Variants in ZNF283 observed in about 807,000 individuals in gnomAD.
ZNF283 encodes zinc finger protein 41.
In ZNF283, 10 loss-of-function variants were observed where a neutral mutation model predicts 9.2. That is an observed-to-expected ratio of 1.09 (90% confidence interval 0.67 to 1.85). The LOEUF is 1.85. Among genes scored for constraint, ZNF283 ranks in the 40% most tolerant of loss-of-function variants. The probability of loss-of-function intolerance (pLI) is 0.00; values close to 1 mark genes in which losing one functional copy is unlikely to be tolerated. For synonymous variants in ZNF283, 234 were observed against 244.1 expected (o/e 0.96, Z 0.38); for missense variants, 631 against 760.1 (o/e 0.83, Z 2.00).
At position 43,851,979 on chromosome 19, in the gene ZNF283, T is replaced by A. The variant is rs1396156808; in HGVS notation, c.*3338T>A. The A allele has an allele frequency of 6.6e-6, 1 of 152,210 alleles. No homozygotes were observed. The highest frequency in any genetic ancestry group is 2.1e-4 in the South Asian group (1 of 4,830). 9.4% of individuals were successfully genotyped at this position (152,210 alleles called of 1,614,324 possible). On this transcript the variant is annotated 3_prime_UTR_variant, in exon 7 of 7. Transcript: ENST00000618787. ...GAAAATCTTTGTTGTAGCTAAGTAG[T>A]GGTGCCTCCTGAGTTTTATTAAATG...
rs781025923 is a variant in ZNF283 at position 43,847,653 on chromosome 19, A to T, written c.1052A>T (p.Glu351Val). The change falls in exon 7 of 7, where the codon GAA becomes GTA. Residue 351 changes from glutamate (E) to valine (V), a missense_variant. By Grantham distance (121) the Glu-to-Val change is moderately radical (BLOSUM62 -2). Transcript: ENST00000618787. ...HTGEKPYKCK[E>V]CGKAFSRGYQ... The stretch of plus-strand genomic sequence containing the variant: ...GGTGAGAAACCTTATAAATGTAAAG[A>T]ATGTGGGAAGGCCTTCAGTCGTGGC... 6.2e-7 allele frequency: 1 copy of T among 1,613,698 alleles called. No individual in the cohort carries two copies. The highest frequency in any genetic ancestry group is 1.1e-5 in the South Asian group (1 of 91,076).
chr19:43,829,789 C>A (rs764085067), intron 2 of ZNF283, among the ~76,000 whole-genome samples: 94 of 152,132 alleles, frequency 6.2e-4, no homozygotes, highest in Admixed American at 1.8e-3. Context: ...TTTGGGAGTC[C>A]GAGGCGGGTG....
chr19:43,847,432 C>G lies in ZNF283; in HGVS notation c.831C>G (p.Ser277Arg), dbSNP rs1971447027. The G allele has an allele frequency of 6.2e-7, 1 of 1,613,178 alleles. No homozygotes were observed. Among genetic ancestry groups the G allele is most frequent in the South Asian group, 1.1e-5 (1 of 91,002 alleles). Residue 277 changes from serine (S) to arginine (R), a missense_variant, in exon 7 of 7, where the codon AGC becomes AGG. Ser to Arg is a moderately radical substitution (Grantham distance 110). This residue lies in a region of ZNF283 where 444 missense variants were observed against 522.5 expected (regional missense o/e 0.85). Transcript: ENST00000618787. Reference sequence around the variant, plus strand: ...GGAAGACCTTTAGCTGGGGATCAAGCCTTGTTAAACATGAGAGAATTCACA... The same window carrying G: ...GGAAGACCTTTAGCTGGGGATCAAGGCTTGTTAAACATGAGAGAATTCACA... ...ECGKTFSWGS[S>R]LVKHERIHTG... is the part of the protein sequence containing the mutation.
chr19:43,828,867 T>C (rs1970584415), intron 2 of ZNF283, among the ~76,000 whole-genome samples: 1 of 152,116 alleles, frequency 6.6e-6, no homozygotes, highest in Non-Finnish European at 1.5e-5. Context: ...GGATTTTAAG[T>C]AAGGGAATGT....
intron 3 of ZNF283, among the ~76,000 whole-genome samples, chr19:43,832,250 C>T (rs1039752741): frequency 6.6e-6 from 1 of 152,158 alleles, no homozygotes; most frequent in Non-Finnish European, 1.5e-5. Context: ...TTAAAGGTTA[C>T]CTCTACAGAC....
chr19:43,845,600 A>G (rs2146578522), intron 6 of ZNF283, among the ~76,000 whole-genome samples: 1 of 152,326 alleles, frequency 6.6e-6, no homozygotes, highest in South Asian at 2.1e-4. Flanking sequence ...AAAGCATGAA[A>G]ATTATTTGAC....
chr19:43,841,454 A>C (rs1244493762), intron 6 of ZNF283: 4 of 83,488 alleles, frequency 4.8e-5, no homozygotes, highest in African/African-American at 2.2e-4. Flanking sequence ...TTTTTTTTTG[A>C]GACAGTCTCA....
At chr19:43,841,841 A>T (rs1971226477) in intron 6 of ZNF283, among the ~76,000 whole-genome samples, 1 of 152,130 alleles carries the variant, frequency 6.6e-6, no homozygotes, top group Admixed American at 6.5e-5. Flanking sequence ...TCTGAACTCT[A>T]TTGTATATAA....
chr19:43,850,086 T>A lies in ZNF283; in HGVS notation c.*1445T>A, dbSNP rs1549957. On this transcript the variant is annotated 3_prime_UTR_variant, in exon 7 of 7. Transcript: ENST00000618787. ...GCTAAAAAAATGAGACTTGAAAAAA[T>A]CCAGACTTTTGAAGAGTTTAGGAAA... 1 of 151,924 alleles carries A rather than the reference T, an allele frequency of 6.6e-6. No homozygotes were observed. Among genetic ancestry groups the A allele is most frequent in the African/African-American group, 2.4e-5 (1 of 41,318 alleles). 9.4% of individuals were successfully genotyped at this position (151,924 alleles called of 1,614,324 possible).
Position 43,850,279 on chromosome 19 carries a change from A to AGCAGATAG in ZNF283, c.*1639_*1646dup, listed in dbSNP as rs1255355369. 1 of 152,194 alleles carries AGCAGATAG rather than the reference A, an allele frequency of 6.6e-6. No individual in the cohort carries two copies. The highest frequency in any genetic ancestry group is 1.9e-4 in the East Asian group (1 of 5,196). 9.4% of individuals were successfully genotyped at this position (152,194 alleles called of 1,614,324 possible). A position where few individuals can be genotyped will look rare whatever the true frequency, so the allele number is the denominator to read the frequency against. On this transcript the variant is annotated 3_prime_UTR_variant, in exon 7 of 7. Transcript: ENST00000618787. ...GTACTTCATCTTGCAATACCTCAGA[A>AGCAGATAG]GCAGATAGTATCCATTTCCCCCAGT...
chr19:43,833,020 CCT>C (rs1469991755), intron 3 of ZNF283, among the ~76,000 whole-genome samples: 3 of 141,754 alleles, frequency 2.1e-5, no homozygotes, highest in Middle Eastern at 3.6e-3. Flanking sequence ...AGAGCAAGAC[CCT>C]GTCTCTGAAA....
rs1260548733 is a variant in ZNF283 at position 43,850,956 on chromosome 19, T to C, written c.*2315T>C. The C allele has an allele frequency of 6.6e-6, 1 of 152,222 alleles. No homozygotes were observed. Among genetic ancestry groups the C allele is most frequent in the Non-Finnish European group, 1.5e-5 (1 of 68,034 alleles). 9.4% of individuals were successfully genotyped at this position (152,222 alleles called of 1,614,324 possible). ...GAACTAATGCATTGATAACTAAATG[T>C]CTGTGGTTCCTTGTCATAGGTCTAC... is the stretch of plus-strand genomic sequence containing the variant. On this transcript the variant is annotated 3_prime_UTR_variant, in exon 7 of 7. Transcript: ENST00000618787.
intron 2 of ZNF283, among the ~76,000 whole-genome samples, chr19:43,830,563 A>G (rs1329028276): frequency 3.9e-5 from 6 of 152,116 alleles, no homozygotes; most frequent in Non-Finnish European, 5.9e-5. Flanking sequence ...ATCTAGCTCC[A>G]TTGTTCTGGA....
chr19:43,849,302 G>A lies in ZNF283; in HGVS notation c.*661G>A, dbSNP rs7258953. ...CAATTTGACATTTCCATAACATTCT[G>A]TTTTACAAAATTATCAGTCCATAAA... On this transcript the variant is annotated 3_prime_UTR_variant, in exon 7 of 7. Coordinates refer to ENST00000618787, the MANE Select transcript of ZNF283 (RefSeq NM_181845.2). The A allele has an allele frequency of 0.85, 130,140 of 152,232 alleles. 56,249 individuals carry two copies. Among genetic ancestry groups the A allele is most frequent in the African/African-American group, 0.94 (39,213 of 41,558 alleles). 9.4% of individuals were successfully genotyped at this position (152,232 alleles called of 1,614,324 possible). A position where few individuals can be genotyped will look rare whatever the true frequency, so the allele number is the denominator to read the frequency against.
At position 43,848,404 on chromosome 19, in the gene ZNF283, TA is replaced by T; in HGVS notation, c.1806del (p.Asp603ThrfsTer79). The T allele has an allele frequency of 6.2e-7, 1 of 1,613,972 alleles. No homozygotes were observed. Among genetic ancestry groups the T allele is most frequent in the Non-Finnish European group, 8.5e-7 (1 of 1,179,914 alleles). On this transcript the variant is annotated frameshift_variant, in exon 7 of 7. Coordinates refer to ENST00000618787, the MANE Select transcript of ZNF283 (RefSeq NM_181845.2). LOFTEE classifies it low-confidence loss of function (END_TRUNC). ...ATACTAATGAGAAGTCTTATGAATG[TA>T]AAGACTGTGGGAAGGCCTTTGGTAG... ...VHTNEKSYEC[K>X]DCGKAFGSGY...
chr19:43,833,486 T>TTC lies in ZNF283; in HGVS notation c.1-18_1-17insCT, dbSNP rs1319156125. On this transcript the variant is annotated intron_variant, in intron 3 of 6. Transcript: ENST00000618787. ...GTTTCTTTCTTCTTTACCTATTTCT[T>TTC]TTTTTTTTTTTTTTTCAGATGGAGT... 2.1e-5 allele frequency: 4 copies of TTC among 190,574 alleles called. No individual in the cohort carries two copies. Among genetic ancestry groups the TTC allele is most frequent in the Non-Finnish European group, 3.9e-5 (4 of 102,428 alleles). The allele number at this position is 190,574 out of a possible 1,614,324, so 11.8% of individuals were successfully genotyped here.
intron 2 of ZNF283, among the ~76,000 whole-genome samples, chr19:43,828,678 A>G (rs1485098066): frequency 6.6e-6 from 1 of 151,952 alleles, no homozygotes; most frequent in African/African-American, 2.4e-5. Flanking sequence ...TTTTTTAGAG[A>G]CAAGGTCTCA....
At chr19:43,846,302 C>T (rs763658226) in intron 6 of ZNF283, among the ~76,000 whole-genome samples, 23 of 152,240 alleles carry the variant, frequency 1.5e-4, no homozygotes, top group Non-Finnish European at 1.3e-4. Context: ...TATAAAAATT[C>T]TGGCTAATAA....
chr19:43,831,129 C>T (rs920413049), intron 2 of ZNF283, among the ~76,000 whole-genome samples, 189 bp from the exon 3 acceptor site: 8 of 152,044 alleles, frequency 5.3e-5, no homozygotes, highest in African/African-American at 7.2e-5. Flanking sequence ...TGATAAGACA[C>T]GGTTTTGGAA....
Sources: gnomAD v4.1 joint callset for allele counts (sites outside exome capture counted in the v4.1 genomes callset) on GRCh38, gnomAD v4.1.1 for gene constraint, gnomAD v4.1.1 regional missense constraint, MANE v1.5 for transcripts, NCBI Gene and HGNC (gene_info 2026-07-23, HGNC 2026-07-21) for gene names.